Variants in PARD3B observed in about 807,000 individuals in gnomAD.
PARD3B encodes the protein par-3 family cell polarity regulator beta, also known as partitioning defective 3 homolog B.
A neutral mutation model predicts 130.2 loss-of-function variants in PARD3B; 103 were observed. The ratio of observed to expected loss-of-function variants is 0.79; its 90% CI spans 0.67 to 0.93. PARD3B has a LOEUF of 0.93. Ranked by LOEUF, PARD3B falls within the 40% of genes least tolerant of loss-of-function variation. The pLI is 0.00. For synonymous variants in PARD3B, 583 were observed against 553.2 expected, an observed-to-expected ratio of 1.05 and a Z score of -0.76; for missense variants, 1,609 against 1,499.2, an observed-to-expected ratio of 1.07 and a Z score of -1.21.
intron 22 of PARD3B, among the ~76,000 whole-genome samples, chr2:205,577,399 G>A (rs1034360985): frequency 4.2e-4 from 64 of 152,152 alleles, no homozygotes; most frequent in Admixed American, 3.7e-3. Context: ...GCCAAGAGAA[G>A]CAAGTGCTTG....
At chr2:204,979,456 G>C (rs1469360475) in intron 3 of PARD3B, among the ~76,000 whole-genome samples, 1 of 152,158 alleles carries the variant, frequency 6.6e-6, no homozygotes, top group Non-Finnish European at 1.5e-5. Flanking sequence ...AGGAACAACT[G>C]AAGCTATTTG....
At chr2:205,319,568 C>G (rs910907919) in intron 18 of PARD3B, among the ~76,000 whole-genome samples, 2 of 152,228 alleles carry the variant, frequency 1.3e-5, no homozygotes, top group African/African-American at 4.8e-5. Flanking sequence ...TGGCTGACCT[C>G]TCTAAGTCAG....
Position 205,309,893 on chromosome 2 carries a change from CATCTATCTATCT to C in PARD3B, c.2630+8216_2630+8227del, listed in dbSNP as rs59814500. On this transcript the variant is annotated intron_variant, in intron 18 of 22. Transcript: ENST00000406610. The surrounding 1 kb of genome is among the most constrained non-coding windows in gnomAD (Gnocchi z 4.7). ...AACTTGATAGACATTACTTCTTATC[CATCTATCTATCT>C]ATCTATCTATCTATCTATCTATCAT... 0.032 allele frequency among the ~76,000 whole-genome samples: 4,774 copies of C among 150,664 alleles called. 212 individuals are homozygous for C. Among genetic ancestry groups the C allele is most frequent in the African/African-American group, 0.11 (4,302 of 40,886 alleles).
intron 21 of PARD3B, among the ~76,000 whole-genome samples, chr2:205,543,312 T>C (rs2052245056): frequency 6.6e-6 from 1 of 152,216 alleles, no homozygotes; most frequent in Non-Finnish European, 1.5e-5. Flanking sequence ...ACTTTTGCTA[T>C]ACCAAAAAAT....
chr2:205,399,083 A>G lies in PARD3B; in HGVS notation c.2631-1930A>G, dbSNP rs139788231. The stretch of plus-strand genomic sequence containing the variant: ...CAGGAGTTCAAGACCAGCCTGGCCA[A>G]CATGGTGAAACCCCGTCTCTACTAA... On this transcript the variant is annotated intron_variant, in intron 18 of 22. Transcript: ENST00000406610. Among the ~76,000 whole-genome samples the G allele has an allele frequency of 6.2e-3, 939 of 152,182 alleles. 14 individuals are homozygous for G. The highest frequency in any genetic ancestry group is 0.021 in the African/African-American group (880 of 41,548).
intron 4 of PARD3B, among the ~76,000 whole-genome samples, chr2:205,080,470 A>G (rs903818263): frequency 2.4e-4 from 36 of 152,156 alleles, no homozygotes; most frequent in African/African-American, 8.7e-4. Flanking sequence ...TGAAAAGGGA[A>G]AAAATAAGAA....
At chr2:204,991,069 ATTCTT>A (rs963373788) in intron 3 of PARD3B, among the ~76,000 whole-genome samples, 4 of 149,576 alleles carry the variant, frequency 2.7e-5, no homozygotes, top group Non-Finnish European at 5.9e-5. Flanking sequence ...TTCAGTTGTC[ATTCTT>A]TTTTTTTTTT....
At chr2:205,076,931 A>G (rs1701102696) in intron 4 of PARD3B, among the ~76,000 whole-genome samples, 1 of 152,150 alleles carries the variant, frequency 6.6e-6, no homozygotes, top group Non-Finnish European at 1.5e-5. Context: ...TTCTGAGTAA[A>G]CTACTATTTC....
At chr2:205,354,389 A>G (rs2105856218) in intron 18 of PARD3B, among the ~76,000 whole-genome samples, 1 of 151,984 alleles carries the variant, frequency 6.6e-6, no homozygotes, top group Non-Finnish European at 1.5e-5. Context: ...CAGCACACCA[A>G]CATGGCACAT....
rs147765291 is a variant in PARD3B at position 205,034,170 on chromosome 2, T to G, written c.395-13411T>G. On this transcript the variant is annotated intron_variant, in intron 3 of 22. Coordinates refer to ENST00000406610, the MANE Select transcript of PARD3B (RefSeq NM_001302769.2). ...GGACATTTCATACTCTAAAGATTAC[T>G]TAGCTTAAACATCTGTCTTTGCGCC... Among the ~76,000 whole-genome samples, 77 of 152,308 alleles carry G rather than the reference T, an allele frequency of 5.1e-4. 1 individual carries two copies. Among genetic ancestry groups the G allele is most frequent in the African/African-American group, 1.8e-3 (75 of 41,572 alleles).
intron 1 of PARD3B, among the ~76,000 whole-genome samples, chr2:204,589,316 A>G (rs924919637): frequency 9.9e-5 from 15 of 152,206 alleles, no homozygotes; most frequent in African/African-American, 3.6e-4. Context: ...GACTGATCTG[A>G]TGGAACAGTA....
chr2:204,707,971 A>G (rs1336292297), intron 2 of PARD3B, among the ~76,000 whole-genome samples: 2 of 152,062 alleles, frequency 1.3e-5, no homozygotes, highest in African/African-American at 4.8e-5. Context: ...GGAGACCAAG[A>G]GACCCCTTTG....
intron 1 of PARD3B, among the ~76,000 whole-genome samples, chr2:204,647,269 T>A (rs2125162718): frequency 6.6e-6 from 1 of 152,070 alleles, no homozygotes; most frequent in Non-Finnish European, 1.5e-5. Flanking sequence ...ATTTTGTTTG[T>A]CTTTTTCTAT....
intron 22 of PARD3B, among the ~76,000 whole-genome samples, chr2:205,556,152 C>T (rs946243590): frequency 2.6e-5 from 4 of 151,772 alleles, no homozygotes; most frequent in Admixed American, 6.6e-5. Flanking sequence ...TCACAGAGGC[C>T]GGGAGCTTTG....
chr2:205,037,402 T>A (rs1439084207), intron 3 of PARD3B, among the ~76,000 whole-genome samples: 1 of 146,856 alleles, frequency 6.8e-6, no homozygotes, highest in African/African-American at 2.5e-5. Flanking sequence ...ATATATATAG[T>A]GGACTATATG....
chr2:204,837,911 C>T (rs1320344840), intron 2 of PARD3B, among the ~76,000 whole-genome samples: 1 of 152,064 alleles, frequency 6.6e-6, no homozygotes, highest in Non-Finnish European at 1.5e-5. Context: ...TAAGGCTCAC[C>T]CCAACAACCC....
chr2:205,401,117 G>A lies in PARD3B; in HGVS notation c.2735G>A (p.Arg912His), dbSNP rs201682861. The part of the protein sequence containing the change: ...EEELEKMKEE[R>H]ERIGAKHQEL... ...GAGCTGGAGAAAATGAAAGAAGAGC[G>A]TGAAAGGTGAGCAGAAGTGCCGAGA... Residue 912 changes from arginine to histidine, a missense_variant, in exon 19 of 23, where the codon CGT becomes CAT. Arg to His is a conservative substitution (Grantham distance 29, BLOSUM62 0). Transcript: ENST00000406610. The A allele has an allele frequency of 9.4e-6, 15 of 1,589,524 alleles. No individual in the cohort carries two copies. The highest frequency in any genetic ancestry group is 1.2e-5 in the Non-Finnish European group (14 of 1,166,834).
At chr2:205,037,496 A>ATATATAGTGGACTATATATATAAAATATG (rs1698076296) in intron 3 of PARD3B, among the ~76,000 whole-genome samples, 2 of 147,908 alleles carry the variant, frequency 1.4e-5, no homozygotes. Context: ...TATATATAAA[A>ATATATAGTGGACTATATATATAAAATATG]TATATAGTGG....
chr2:204,774,916 C>T (rs760531599), intron 2 of PARD3B, among the ~76,000 whole-genome samples: 1 of 152,118 alleles, frequency 6.6e-6, no homozygotes, highest in African/African-American at 2.4e-5. Context: ...TGTGGCATTT[C>T]TCAGTGCTTT....
Sources: allele counts gnomAD v4.1 joint callset (sites outside exome capture counted in the v4.1 genomes callset), GRCh38; gene constraint gnomAD v4.1.1; non-coding constraint Gnocchi (gnomAD v3.1); transcripts MANE v1.5; gene names NCBI Gene and HGNC (gene_info 2026-07-23, HGNC 2026-07-21).